Variants in CTIF observed in about 807,000 individuals in gnomAD.
The protein encoded by CTIF is cap binding complex dependent translation initiation factor, also known as CBP80/20-dependent translation initiation factor.
Under a neutral mutation model 66.0 loss-of-function variants are expected in CTIF, and 21 were observed. That is an observed-to-expected ratio of 0.32 (90% confidence interval 0.23 to 0.46). The LOEUF (loss-of-function observed/expected upper bound fraction) is 0.46, where lower values mean the gene tolerates loss of function less well. Ranked by LOEUF, CTIF falls within the 20% of genes least tolerant of loss-of-function variation. The pLI, the probability that CTIF is intolerant of heterozygous loss-of-function variation, is 1.00. For synonymous variants in CTIF, 345 were observed against 326.4 expected (o/e 1.06, Z -0.62); for missense variants, 739 against 812.7 (o/e 0.91, Z 1.10).
Position 48,761,709 on chromosome 18 carries a change from C to G in CTIF, c.1371+20C>G. On this transcript the variant is annotated intron_variant, in intron 9 of 11. Transcript: ENST00000256413. This position sits in a 1 kb window ranked among gnomAD's most constrained non-coding sequence, Gnocchi z 4.2. ...CTGCAGGTAACTGGACGCCGGCCAC[C>G]ACCGCCCCGCGCCCCCTGCCCCTCT... The G allele has an allele frequency of 6.3e-7, 1 of 1,594,888 alleles. No individual in the cohort carries two copies. Among genetic ancestry groups the G allele is most frequent in the Non-Finnish European group, 8.6e-7 (1 of 1,167,326 alleles).
intron 1 of CTIF, among the ~76,000 whole-genome samples, chr18:48,601,849 G>A (rs1287382618): frequency 2.0e-5 from 3 of 152,206 alleles, no homozygotes; most frequent in Non-Finnish European, 4.4e-5. Flanking sequence ...AAAGACATTG[G>A]CACAAATCTC....
At chr18:48,616,268 C>T (rs1203243853) in intron 1 of CTIF, among the ~76,000 whole-genome samples, 1 of 152,262 alleles carries the variant, frequency 6.6e-6, no homozygotes, top group East Asian at 1.9e-4. Flanking sequence ...GGCTCCTTTT[C>T]AGCCCTCTCT....
At chr18:48,835,927 G>A (rs1365579546) in intron 10 of CTIF, among the ~76,000 whole-genome samples, 1 of 151,982 alleles carries the variant, frequency 6.6e-6, no homozygotes, top group African/African-American at 2.4e-5. Context: ...ATCCAAAGGG[G>A]GCTCCCTCCC....
intron 1 of CTIF, among the ~76,000 whole-genome samples, chr18:48,618,010 G>C (rs961816744): frequency 4.6e-5 from 7 of 152,234 alleles, no homozygotes; most frequent in Admixed American, 4.6e-4. Context: ...CAGCAGGGCG[G>C]TTCTCCTTCC....
At position 48,862,358 on chromosome 18, in the gene CTIF, C is replaced by G. The variant is rs1256556787; in HGVS notation, c.*2799C>G. 6.6e-6 allele frequency: 1 copy of G among 152,442 alleles called. No individual in the cohort carries two copies. Among genetic ancestry groups the G allele is most frequent in the African/African-American group, 2.4e-5 (1 of 41,462 alleles). The allele number at this position is 152,442 out of a possible 1,614,324, so 9.4% of individuals were successfully genotyped here. On this transcript the variant is annotated 3_prime_UTR_variant, in exon 12 of 12. Transcript: ENST00000256413. Reference sequence around the variant, plus strand: ...CATCTGATGTTGATCCTGTCTCAGTCTCCCCACTGCCTGTCAGGATGAGTT... The same window carrying G: ...CATCTGATGTTGATCCTGTCTCAGTGTCCCCACTGCCTGTCAGGATGAGTT...
At chr18:48,560,449 T>A (rs2089130458) in intron 1 of CTIF, among the ~76,000 whole-genome samples, 1 of 152,092 alleles carries the variant, frequency 6.6e-6, no homozygotes, top group African/African-American at 2.4e-5. Context: ...ATGGTCTCGA[T>A]CTCCTGACCT....
chr18:48,626,594 C>T (rs2090604125), intron 2 of CTIF, among the ~76,000 whole-genome samples: 1 of 151,384 alleles, frequency 6.6e-6, no homozygotes, highest in Admixed American at 6.6e-5. Flanking sequence ...GATCCCCTCC[C>T]ATGGCCTCCC....
At chr18:48,564,238 C>T (rs776547187) in intron 1 of CTIF, among the ~76,000 whole-genome samples, 16 of 152,142 alleles carry the variant, frequency 1.1e-4, no homozygotes, top group Non-Finnish European at 1.6e-4. Context: ...GTTTTGTGGC[C>T]GTAGGTGGTA....
chr18:48,806,865 C>T (rs1489557733), intron 9 of CTIF, among the ~76,000 whole-genome samples: 2 of 152,206 alleles, frequency 1.3e-5, no homozygotes, highest in Admixed American at 6.5e-5. Context: ...AATAGCAGTA[C>T]GTCAATAAAT....
intron 7 of CTIF, among the ~76,000 whole-genome samples, chr18:48,722,027 G>C (rs1009408729): frequency 3.3e-5 from 5 of 152,140 alleles, no homozygotes; most frequent in African/African-American, 9.7e-5. Flanking sequence ...ACATGTTGGA[G>C]GCTGGCCAGG....
At chr18:48,781,656 G>GC (rs1911237961) in intron 9 of CTIF, among the ~76,000 whole-genome samples, 1 of 152,032 alleles carries the variant, frequency 6.6e-6, no homozygotes, top group Non-Finnish European at 1.5e-5. Context: ...AAGACACGTG[G>GC]CCCTCCCCTC....
In CTIF at chr18:48,702,854, G is replaced by A. The variant is rs141791422; in HGVS notation, c.508-8765G>A. On this transcript the variant is annotated intron_variant, in intron 6 of 11. Coordinates refer to ENST00000256413, the MANE Select transcript of CTIF (RefSeq NM_014772.3). ...AACATTACCTATTTATTTCTGCTTG[G>A]ACGTGACCCACACATCCTGCCCACG... Among the ~76,000 whole-genome samples, 638 of 151,884 alleles carry A rather than the reference G, an allele frequency of 4.2e-3. 6 individuals carry two copies. Among genetic ancestry groups the A allele is most frequent in the Admixed American group, 6.4e-3 (97 of 15,270 alleles).
At chr18:48,687,022 G>T (rs2091851237) in intron 6 of CTIF, among the ~76,000 whole-genome samples, 1 of 152,160 alleles carries the variant, frequency 6.6e-6, no homozygotes, top group Non-Finnish European at 1.5e-5. Flanking sequence ...GGTCAATCCT[G>T]TCGAGTCAGA....
chr18:48,796,367 G>A (rs1043710261), intron 9 of CTIF, among the ~76,000 whole-genome samples: 5 of 151,850 alleles, frequency 3.3e-5, no homozygotes, highest in East Asian at 1.9e-4. Context: ...TAGTAGAAAC[G>A]GGGTTTCACC....
chr18:48,568,752 T>C (rs900016699), intron 1 of CTIF, among the ~76,000 whole-genome samples: 1 of 149,916 alleles, frequency 6.7e-6, no homozygotes, highest in African/African-American at 2.4e-5. Flanking sequence ...AAGGCACATC[T>C]TACATGGCGG....
At chr18:48,711,593 TC>T (rs1335847834) in intron 6 of CTIF, 25 bp from the exon 7 acceptor site, 48 of 1,598,124 alleles carry the variant, frequency 3.0e-5, no homozygotes, top group Non-Finnish European at 4.0e-5. Context: ...TTACTAATGA[TC>T]CCCCTTCCTC....
At chr18:48,614,884 G>T (rs1364918235) in intron 1 of CTIF, among the ~76,000 whole-genome samples, 6 of 151,138 alleles carry the variant, frequency 4.0e-5, no homozygotes, top group African/African-American at 9.7e-5. Flanking sequence ...TGTTTTTTTT[G>T]TTGTTGTTGT....
intron 10 of CTIF, among the ~76,000 whole-genome samples, chr18:48,849,384 G>A (rs923542401): frequency 2.0e-5 from 3 of 151,502 alleles, no homozygotes; most frequent in Non-Finnish European, 2.9e-5. Flanking sequence ...TTTTAGTAGA[G>A]ATGGGGTTTT....
At chr18:48,741,420 C>CTT (rs11425141) in intron 7 of CTIF, among the ~76,000 whole-genome samples, 23,402 of 104,666 alleles carry the variant, frequency 0.22, 3,652 homozygotes, top group East Asian at 0.62. Flanking sequence ...GTGACCAGGG[C>CTT]TTTTTTTTTT....
Sources: gnomAD v4.1 joint callset for allele counts (sites outside exome capture counted in the v4.1 genomes callset) on GRCh38, gnomAD v4.1.1 for gene constraint, Gnocchi (gnomAD v3.1) non-coding constraint, MANE v1.5 for transcripts, NCBI Gene and HGNC (gene_info 2026-07-23, HGNC 2026-07-21) for gene names.